The following SLC36A1 variants were observed in gnomAD, a reference collection of about 807,000 sequenced individuals.
The protein encoded by SLC36A1 is solute carrier family 36 member 1.
In SLC36A1, 30 loss-of-function variants were observed where a neutral mutation model predicts 47.5. The ratio of observed to expected loss-of-function variants is 0.63; its 90% CI spans 0.47 to 0.86. The LOEUF (loss-of-function observed/expected upper bound fraction) is 0.86, where lower values mean the gene tolerates loss of function less well. SLC36A1 is among the 40% of genes least tolerant of loss of function. The probability of loss-of-function intolerance (pLI) is 0.00; values close to 1 mark genes in which losing one functional copy is unlikely to be tolerated. For missense variants in SLC36A1, 517 were observed against 606.0 expected, an observed-to-expected ratio of 0.85 and a Z score of 1.54; for synonymous variants, 255 against 249.7, an observed-to-expected ratio of 1.02 and a Z score of -0.20.
the SLC36A1 span, among the ~76,000 whole-genome samples, chr5:151,351,315 T>A: frequency 6.6e-6 from 1 of 151,510 alleles, no homozygotes; most frequent in Admixed American, 6.6e-5. Flanking sequence ...ATTCCCAAGC[T>A]CTGTTGCAGT....
chr5:151,351,173 T>A, the SLC36A1 span, among the ~76,000 whole-genome samples: 4 of 152,046 alleles, frequency 2.6e-5, no homozygotes, highest in Admixed American at 6.5e-5. Context: ...TGGAGGGAAC[T>A]TACAAGGTCA....
chr5:151,529,321 G>T, the SLC36A1 span: 1 of 1,613,972 alleles, frequency 6.2e-7, no homozygotes, highest in Non-Finnish European at 8.5e-7. Context: ...GAGCTCTTCC[G>T]GCTGCACTCA....
the SLC36A1 span, chr5:151,511,244 G>C: frequency 6.6e-6 from 1 of 152,136 alleles, no homozygotes; most frequent in Admixed American, 6.6e-5. Context: ...CAGAAAAAGG[G>C]GTAATGCGAA....
the SLC36A1 span, among the ~76,000 whole-genome samples, chr5:151,365,505 T>G: frequency 2.6e-5 from 4 of 152,160 alleles, no homozygotes; most frequent in Non-Finnish European, 4.4e-5. Flanking sequence ...GTAACAAGCT[T>G]CTGAAGTAGG....
At chr5:151,472,234 G>A (rs1251858103) in intron 7 of SLC36A1, among the ~76,000 whole-genome samples, 1 of 152,262 alleles carries the variant, frequency 6.6e-6, no homozygotes, top group Non-Finnish European at 1.5e-5. Context: ...GAGGTCTGAT[G>A]TTCAAGGGCA....
At chr5:151,523,037 T>C in the SLC36A1 span, among the ~76,000 whole-genome samples, 16 of 152,202 alleles carry the variant, frequency 1.1e-4, no homozygotes, top group African/African-American at 3.9e-4. Flanking sequence ...TGCCTTCTTC[T>C]CCTCAGTGAT....
the SLC36A1 span, among the ~76,000 whole-genome samples, chr5:151,353,540 T>C: frequency 6.6e-6 from 1 of 152,128 alleles, no homozygotes. Context: ...GTGAGACATT[T>C]GTTACATCAG....
At chr5:151,501,860 TA>T in the SLC36A1 span, among the ~76,000 whole-genome samples, 3 of 147,988 alleles carry the variant, frequency 2.0e-5, no homozygotes, top group Non-Finnish European at 4.4e-5. Flanking sequence ...AAAAGTAACT[TA>T]AAGTGGACCA....
chr5:151,517,022 C>T, the SLC36A1 span, among the ~76,000 whole-genome samples: 4 of 151,744 alleles, frequency 2.6e-5, no homozygotes, highest in Non-Finnish European at 5.9e-5. Context: ...GCAGGAGAAT[C>T]GCTTGAACCT....
the SLC36A1 span, among the ~76,000 whole-genome samples, chr5:151,352,034 T>C: frequency 8.5e-5 from 13 of 152,306 alleles, no homozygotes; most frequent in African/African-American, 2.9e-4. Flanking sequence ...TGGACCTTTT[T>C]TCCTGCATTA....
the SLC36A1 span, among the ~76,000 whole-genome samples, chr5:151,501,646 A>T: frequency 6.4e-4 from 94 of 147,878 alleles, 16 homozygotes; most frequent in African/African-American, 2.4e-3. Context: ...TTCCATTTAC[A>T]TGTATTTCTC....
the SLC36A1 span, among the ~76,000 whole-genome samples, chr5:151,428,538 T>G: frequency 1.3e-5 from 2 of 152,200 alleles, no homozygotes; most frequent in East Asian, 3.9e-4. Context: ...CGTTGCCAAC[T>G]ATGGATCTCA....
chr5:151,527,868 G>A, the SLC36A1 span: 3 of 1,265,314 alleles, frequency 2.4e-6, no homozygotes, highest in Non-Finnish European at 2.2e-6. Flanking sequence ...AAACAAGTGA[G>A]AGACATTCTG....
chr5:151,546,088 A>G, the SLC36A1 span: 1 of 1,614,178 alleles, frequency 6.2e-7, no homozygotes, highest in Non-Finnish European at 8.5e-7. Flanking sequence ...AGAGACAAGG[A>G]GGATTGGGGA....
chr5:151,545,296 G>A, the SLC36A1 span: 1 of 1,614,158 alleles, frequency 6.2e-7, no homozygotes, highest in South Asian at 1.1e-5. Flanking sequence ...CAAGCCATCA[G>A]AAGCCCTGAT....
At chr5:151,409,493 C>T in the SLC36A1 span, among the ~76,000 whole-genome samples, 4 of 152,164 alleles carry the variant, frequency 2.6e-5, no homozygotes, top group Non-Finnish European at 5.9e-5. Context: ...GTTCAACAGG[C>T]GTTTTGGTCT....
At chr5:151,465,258 G>A (rs896857702) in intron 5 of SLC36A1, 89 bp downstream of exon 5, 12 of 1,020,090 alleles carry the variant, frequency 1.2e-5, no homozygotes, top group African/African-American at 7.9e-5. Context: ...AGTGTAAAGC[G>A]TGGAAAGAGT....
At chr5:151,523,862 C>T in the SLC36A1 span, among the ~76,000 whole-genome samples, 6 of 152,184 alleles carry the variant, frequency 3.9e-5, no homozygotes, top group Admixed American at 1.3e-4. Flanking sequence ...CCTGCCTTCC[C>T]GTCTGGGCCT....
chr5:151,385,090 C>T, the SLC36A1 span, among the ~76,000 whole-genome samples: 1 of 150,898 alleles, frequency 6.6e-6, no homozygotes, highest in Non-Finnish European at 1.5e-5. Context: ...TGCTTAAAGG[C>T]CTTCATAAAT....
Sources: gnomAD v4.1 joint callset for allele counts (sites outside exome capture counted in the v4.1 genomes callset) on GRCh38, gnomAD v4.1.1 for gene constraint, MANE v1.5 for transcripts, NCBI Gene and HGNC (gene_info 2026-07-23, HGNC 2026-07-21) for gene names.